Variants in CNBD1 observed in about 807,000 individuals in gnomAD.
CNBD1 encodes the protein cyclic nucleotide-binding domain-containing protein 1.
Under a neutral mutation model 54.4 loss-of-function variants are expected in CNBD1, and 71 were observed. The ratio of observed to expected loss-of-function variants is 1.30; its 90% CI spans 1.08 to 1.59. The LOEUF is 1.59. Among genes scored for constraint, CNBD1 ranks in the 40% most tolerant of loss-of-function variants. The pLI is 0.00. For missense variants in CNBD1, 659 were observed against 518.0 expected (o/e 1.27, Z -2.64); for synonymous variants, 182 against 170.7 (o/e 1.07, Z -0.51).
intron 10 of CNBD1, among the ~76,000 whole-genome samples, chr8:87,379,688 C>G (rs955573054): frequency 2.6e-5 from 4 of 151,762 alleles, no homozygotes; most frequent in African/African-American, 4.8e-5. Context: ...CATTATTGCA[C>G]TGTCAGAATA....
intron 2 of CNBD1, among the ~76,000 whole-genome samples, chr8:87,400,505 G>A (rs574191732): frequency 6.6e-6 from 1 of 151,910 alleles, no homozygotes; most frequent in Non-Finnish European, 1.5e-5. Flanking sequence ...TCAGCATGTG[G>A]CAGTGTGTTG....
At chr8:87,337,087 C>A (rs551932616) in intron 8 of CNBD1, among the ~76,000 whole-genome samples, 7 of 152,256 alleles carry the variant, frequency 4.6e-5, no homozygotes, top group Admixed American at 3.3e-4. Flanking sequence ...CCTCTGCGAT[C>A]TCTGACCTTG....
At chr8:87,386,951 T>C (rs540334858), downstream of CNBD1, among the ~76,000 whole-genome samples, 81 of 152,272 alleles carry the variant, frequency 5.3e-4, no homozygotes, top group African/African-American at 1.8e-3. Flanking sequence ...GGGGCCAAAA[T>C]TCAACATTCT....
At chr8:87,208,340 C>T (rs1275430313) in intron 5 of CNBD1, among the ~76,000 whole-genome samples, 1 of 151,976 alleles carries the variant, frequency 6.6e-6, no homozygotes, top group African/African-American at 2.4e-5. Context: ...GAATAAAACA[C>T]ATTATGTGTG....
chr8:87,304,742 G>A (rs1161770861), intron 8 of CNBD1, among the ~76,000 whole-genome samples: 9 of 152,034 alleles, frequency 5.9e-5, no homozygotes, highest in Non-Finnish European at 7.4e-5. Context: ...CAGCAATGTC[G>A]GCAAACAAGG....
intron 6 of CNBD1, among the ~76,000 whole-genome samples, chr8:87,264,814 G>A (rs989979518): frequency 2.6e-5 from 4 of 152,100 alleles, no homozygotes; most frequent in African/African-American, 4.8e-5. Flanking sequence ...AGAAGTGTCT[G>A]TTCATATCCT....
chr8:87,368,002 A>T (rs1453122525), intron 10 of CNBD1, among the ~76,000 whole-genome samples: 1 of 152,008 alleles, frequency 6.6e-6, no homozygotes, highest in Non-Finnish European at 1.5e-5. Flanking sequence ...TCTTTCCTAA[A>T]AAGACAAAAA....
chr8:87,394,995 G>A (rs548121723), intron 2 of CNBD1, among the ~76,000 whole-genome samples: 7 of 151,934 alleles, frequency 4.6e-5, no homozygotes, highest in Non-Finnish European at 8.8e-5. Context: ...GTGTTTTAAC[G>A]TTGTATCCCC....
intron 4 of CNBD1, among the ~76,000 whole-genome samples, chr8:86,960,284 C>G (rs1712712863): frequency 2.6e-5 from 4 of 152,168 alleles, no homozygotes; most frequent in Admixed American, 1.3e-4. Flanking sequence ...CACTCCCACT[C>G]TAATACTGCA....
chr8:87,171,341 T>C (rs1162025394), intron 4 of CNBD1, among the ~76,000 whole-genome samples: 2 of 152,124 alleles, frequency 1.3e-5, no homozygotes, highest in East Asian at 3.9e-4. Flanking sequence ...TACTGATGCT[T>C]TGAATTTCTG....
At chr8:87,013,644 T>C (rs1356994254) in intron 4 of CNBD1, among the ~76,000 whole-genome samples, 1 of 151,610 alleles carries the variant, frequency 6.6e-6, no homozygotes, top group African/African-American at 2.4e-5. Context: ...TTTTTGTTTT[T>C]TTTTTGCAAG....
intron 6 of CNBD1, among the ~76,000 whole-genome samples, chr8:87,273,445 T>C (rs943023656): frequency 6.6e-6 from 1 of 151,942 alleles, no homozygotes; most frequent in African/African-American, 2.4e-5. Context: ...GCTGAAGGTT[T>C]TGTTTCTCTG....
At chr8:87,208,045 C>T (rs1157548842) in intron 5 of CNBD1, among the ~76,000 whole-genome samples, 3 of 152,036 alleles carry the variant, frequency 2.0e-5, no homozygotes, top group African/African-American at 4.8e-5. Flanking sequence ...TTTCTTTATT[C>T]ATGTATGTGT....
chr8:87,274,838 C>A (rs1161099000), intron 6 of CNBD1, among the ~76,000 whole-genome samples: 1 of 134,672 alleles, frequency 7.4e-6, no homozygotes, highest in Non-Finnish European at 1.6e-5. Context: ...ACATGAAGTC[C>A]TTGCCCATGC....
chr8:87,222,998 G>T (rs1356943271), intron 5 of CNBD1, among the ~76,000 whole-genome samples: 1 of 150,356 alleles, frequency 6.7e-6, no homozygotes, highest in African/African-American at 2.4e-5. Flanking sequence ...GCAAAGTCTG[G>T]GAATCATTAT....
At chr8:87,306,231 A>G (rs1423090338) in intron 8 of CNBD1, among the ~76,000 whole-genome samples, 1 of 152,178 alleles carries the variant, frequency 6.6e-6, no homozygotes, top group East Asian at 1.9e-4. Context: ...AAGAGTAGCC[A>G]TAATCAAAAA....
chr8:86,886,956 G>T (rs1808689409), intron 1 of CNBD1, among the ~76,000 whole-genome samples: 1 of 152,114 alleles, frequency 6.6e-6, no homozygotes, highest in Admixed American at 6.6e-5. Flanking sequence ...CAATTAGTTT[G>T]CTTTTTGGCT....
At chr8:87,012,502 T>C (rs773999550) in intron 4 of CNBD1, among the ~76,000 whole-genome samples, 5 of 152,246 alleles carry the variant, frequency 3.3e-5, no homozygotes, top group Admixed American at 6.5e-5. Context: ...GCAAAGTCTC[T>C]GGTGGGAAGA....
intron 6 of CNBD1, among the ~76,000 whole-genome samples, chr8:87,258,308 T>C (rs1262792063): frequency 6.6e-6 from 1 of 152,190 alleles, no homozygotes; most frequent in African/African-American, 2.4e-5. Flanking sequence ...GCAAAAACCT[T>C]TACTCATTGA....
Sources: allele counts gnomAD v4.1 joint callset (sites outside exome capture counted in the v4.1 genomes callset), GRCh38; gene constraint gnomAD v4.1.1; transcripts MANE v1.5; gene names NCBI Gene and HGNC (gene_info 2026-07-23, HGNC 2026-07-21).